Variants in VAMP4 observed in about 807,000 individuals in gnomAD.
The protein encoded by VAMP4 is vesicle-associated membrane protein 4.
In VAMP4, 19 loss-of-function variants were observed where a neutral mutation model predicts 23.5. The ratio of observed to expected loss-of-function variants is 0.81; its 90% CI spans 0.56 to 1.19. VAMP4 has a LOEUF of 1.19. Among genes scored for constraint, VAMP4 ranks in the 50% most tolerant of loss-of-function variants. VAMP4 has a pLI of 0.00. For missense variants in VAMP4, 145 were observed against 168.6 expected (o/e 0.86, Z 0.78); for synonymous variants, 31 against 51.0 (o/e 0.61, Z 1.67).
intron 4 of VAMP4, among the ~76,000 whole-genome samples, chr1:171,711,913 A>G (rs1654859616): frequency 6.6e-6 from 1 of 152,138 alleles, no homozygotes. Flanking sequence ...CTACGTTTAG[A>G]TATGTTTAGA....
At chr1:171,729,623 C>G (rs1040379510) in intron 2 of VAMP4, among the ~76,000 whole-genome samples, 14 of 152,136 alleles carry the variant, frequency 9.2e-5, no homozygotes, top group Admixed American at 3.3e-4. Context: ...AATAATAGCT[C>G]CCCAAAGATG....
At chr1:171,706,533 T>G in intron 6 of VAMP4, 115 bp from the exon 7 acceptor site, 13 of 965,552 alleles carry the variant, frequency 1.3e-5, no homozygotes, top group Non-Finnish European at 1.9e-5. Context: ...TAAGGTTTCT[T>G]AACTACAAAA....
chr1:171,735,231 G>C (rs961705375), intron 2 of VAMP4, among the ~76,000 whole-genome samples: 6 of 152,056 alleles, frequency 3.9e-5, no homozygotes, highest in Non-Finnish European at 8.8e-5. Flanking sequence ...AAACACAGGG[G>C]AACTTAGGAA....
chr1:171,727,199 C>A (rs1655400149), intron 3 of VAMP4, among the ~76,000 whole-genome samples: 1 of 131,828 alleles, frequency 7.6e-6, no homozygotes. Context: ...AAGACTGCGC[C>A]AGGACACTCT....
At chr1:171,720,692 G>C (rs1416998853) in intron 3 of VAMP4, among the ~76,000 whole-genome samples, 1 of 151,890 alleles carries the variant, frequency 6.6e-6, no homozygotes. Flanking sequence ...AAAATTCCAG[G>C]ACTAGATTTG....
At chr1:171,730,606 G>A (rs1655529643) in intron 2 of VAMP4, among the ~76,000 whole-genome samples, 1 of 151,780 alleles carries the variant, frequency 6.6e-6, no homozygotes, top group Admixed American at 6.6e-5. Flanking sequence ...CAATGGAAGG[G>A]CCTTAGTTTT....
At chr1:171,704,747 A>C (rs976842655) in intron 7 of VAMP4, among the ~76,000 whole-genome samples, 8 of 152,032 alleles carry the variant, frequency 5.3e-5, no homozygotes, top group African/African-American at 1.9e-4. Flanking sequence ...ATCTTAAATA[A>C]ATAATGGCAT....
At chr1:171,707,655 G>A (rs236900) in intron 6 of VAMP4, among the ~76,000 whole-genome samples, 24,525 of 152,022 alleles carry the variant, frequency 0.16, 2,106 homozygotes, top group Non-Finnish European at 0.19. Context: ...AATAAATGAA[G>A]AATACTCGCT....
At chr1:171,734,433 TTA>T (rs1238126746) in intron 2 of VAMP4, among the ~76,000 whole-genome samples, 4 of 152,120 alleles carry the variant, frequency 2.6e-5, no homozygotes, top group Non-Finnish European at 5.9e-5. Flanking sequence ...GTGCAGTTGC[TTA>T]GAGGCTGAGG....
At chr1:171,705,803 A>G (rs901672041) in intron 7 of VAMP4, among the ~76,000 whole-genome samples, 2 of 152,160 alleles carry the variant, frequency 1.3e-5, no homozygotes, top group African/African-American at 4.8e-5. Context: ...AGAAAAAGAG[A>G]TATTTAAAAT....
At chr1:171,711,187 G>A (rs543860451) in intron 4 of VAMP4, among the ~76,000 whole-genome samples, 18 of 152,146 alleles carry the variant, frequency 1.2e-4, no homozygotes, top group Admixed American at 5.2e-4. Flanking sequence ...CATAGACACC[G>A]CTGTAGCCTA....
At position 171,702,068 on chromosome 1, in the gene VAMP4, G is replaced by C. The variant is rs1654470004; in HGVS notation, c.*2438C>G. The C allele has an allele frequency of 6.6e-6, 1 of 152,042 alleles. No homozygotes were observed. Among genetic ancestry groups the C allele is most frequent in the Non-Finnish European group, 1.5e-5 (1 of 67,942 alleles). The allele number at this position is 152,042 out of a possible 1,614,324, so 9.4% of individuals were successfully genotyped here. On this transcript the variant is annotated 3_prime_UTR_variant, in exon 8 of 8. Transcript: ENST00000236192. ...ATGGTGGTAAAACTTCATTTTTCAA[G>C]TGCAGGATGATCTGAGCTGAATGAG...
chr1:171,736,027 C>T (rs1655730602), intron 2 of VAMP4, among the ~76,000 whole-genome samples: 1 of 152,108 alleles, frequency 6.6e-6, no homozygotes, highest in Non-Finnish European at 1.5e-5. Flanking sequence ...GCTGGGATTA[C>T]AGGTGTGCAC....
At chr1:171,714,150 A>G (rs910435092) in intron 4 of VAMP4, among the ~76,000 whole-genome samples, 1 of 152,180 alleles carries the variant, frequency 6.6e-6, no homozygotes, top group Non-Finnish European at 1.5e-5. Flanking sequence ...GTGTTTCAGG[A>G]TGTTTCCCTA....
chr1:171,713,192 A>G (rs1191627200), intron 4 of VAMP4, among the ~76,000 whole-genome samples: 2 of 152,144 alleles, frequency 1.3e-5, no homozygotes, highest in Admixed American at 6.5e-5. Context: ...CTACTTGAGG[A>G]GGAGATATAA....
intron 2 of VAMP4, 109 bp from the exon 3 acceptor site, chr1:171,728,679 T>C: frequency 1.9e-6 from 2 of 1,071,644 alleles, no homozygotes; most frequent in Non-Finnish European, 2.6e-6. Context: ...TAACTCCAGG[T>C]GTCCATAAAG....
chr1:171,741,227 C>T (rs959909615), intron 1 of VAMP4, among the ~76,000 whole-genome samples: 12 of 152,154 alleles, frequency 7.9e-5, no homozygotes, highest in Non-Finnish European at 1.0e-4. Context: ...GTAAGTAGTA[C>T]GTTATCTAGT....
chr1:171,715,182 A>G (rs1654988579), intron 4 of VAMP4, among the ~76,000 whole-genome samples: 1 of 152,222 alleles, frequency 6.6e-6, no homozygotes. Context: ...GTAGTAGACG[A>G]TGGCTATTAA....
chr1:171,704,400 G>T lies in VAMP4; in HGVS notation c.*106C>A. 2.2e-6 allele frequency: 2 copies of T among 928,290 alleles called. No individual in the cohort carries two copies. The highest frequency in any genetic ancestry group is 3.0e-6 in the Non-Finnish European group (2 of 674,428). 57.5% of individuals were successfully genotyped at this position (928,290 alleles called of 1,614,324 possible). A position where few individuals can be genotyped will look rare whatever the true frequency, so the allele number is the denominator to read the frequency against. On this transcript the variant is annotated 3_prime_UTR_variant, in exon 8 of 8. Transcript: ENST00000236192. ...AGTGATACTTGCCTCTTAGTTTCTT[G>T]AAAAAGAAGTTTTGAAAGTTATATA...
Sources: allele counts gnomAD v4.1 joint callset (sites outside exome capture counted in the v4.1 genomes callset), GRCh38; gene constraint gnomAD v4.1.1; transcripts MANE v1.5; gene names NCBI Gene and HGNC (gene_info 2026-07-23, HGNC 2026-07-21).